GPR158: variants seen among roughly 807,000 people sequenced by gnomAD.
GPR158 encodes the protein G protein-coupled receptor 158.
Under a neutral mutation model 78.2 loss-of-function variants are expected in GPR158, and 30 were observed. The observed-to-expected ratio is 0.38, with a 90% CI of 0.29 to 0.52. GPR158 has a LOEUF of 0.52. GPR158 is among the 20% of genes least tolerant of loss of function. The pLI, the probability that GPR158 is intolerant of heterozygous loss-of-function variation, is 0.83. For missense variants in GPR158, 1,463 were observed against 1,523.5 expected, an observed-to-expected ratio of 0.96 and a Z score of 0.66; for synonymous variants, 581 against 591.1, an observed-to-expected ratio of 0.98 and a Z score of 0.25.
chr10:25,330,545 CTGTTAT>C (rs1855103681), intron 2 of GPR158, among the ~76,000 whole-genome samples: 1 of 152,166 alleles, frequency 6.6e-6, no homozygotes, highest in Admixed American at 6.5e-5. Flanking sequence ...TAGATTGATC[CTGTTAT>C]CACTCTGATT....
intron 5 of GPR158, among the ~76,000 whole-genome samples, chr10:25,510,555 T>C (rs1449136109): frequency 1.3e-5 from 2 of 152,166 alleles, no homozygotes; most frequent in Admixed American, 6.5e-5. Context: ...TATTTATTTA[T>C]TATGTTTTAT....
At chr10:25,269,017 G>A (rs1364995350) in intron 2 of GPR158, among the ~76,000 whole-genome samples, 2 of 151,898 alleles carry the variant, frequency 1.3e-5, no homozygotes, top group African/African-American at 4.8e-5. Flanking sequence ...AATTCTTCTT[G>A]TCTCATTTTG....
intron 2 of GPR158, among the ~76,000 whole-genome samples, chr10:25,338,139 G>A (rs1855236641): frequency 6.6e-6 from 1 of 151,086 alleles, no homozygotes; most frequent in Non-Finnish European, 1.5e-5. Context: ...CCAATTTATT[G>A]GCCTTTTCCT....
At chr10:25,538,779 T>A (rs1323763982) in intron 5 of GPR158, among the ~76,000 whole-genome samples, 1 of 152,202 alleles carries the variant, frequency 6.6e-6, no homozygotes, top group East Asian at 1.9e-4. Flanking sequence ...CTTTCCCATA[T>A]TTTTTATTTT....
chr10:25,333,527 A>T (rs1428266708), intron 2 of GPR158, among the ~76,000 whole-genome samples: 2 of 152,162 alleles, frequency 1.3e-5, no homozygotes, highest in Non-Finnish European at 2.9e-5. Flanking sequence ...GTGATGTTAC[A>T]ACCCATCCCC....
At chr10:25,590,996 T>C (rs1431603458) in intron 8 of GPR158, among the ~76,000 whole-genome samples, 2 of 152,168 alleles carry the variant, frequency 1.3e-5, no homozygotes, top group African/African-American at 4.8e-5. Flanking sequence ...TGGTAAACTA[T>C]TCTTAAATGA....
At chr10:25,242,921 A>G (rs979280349) in intron 2 of GPR158, among the ~76,000 whole-genome samples, 6 of 152,180 alleles carry the variant, frequency 3.9e-5, no homozygotes, top group Non-Finnish European at 8.8e-5. Flanking sequence ...CTATTGCTCC[A>G]CTAAAATACT....
intron 4 of GPR158, among the ~76,000 whole-genome samples, chr10:25,453,727 T>A (rs1449556857): frequency 6.6e-6 from 1 of 152,186 alleles, no homozygotes; most frequent in African/African-American, 2.4e-5. Flanking sequence ...TTATCAAAAA[T>A]CAATTGACCA....
chr10:25,398,959 C>G (rs561998141), intron 3 of GPR158, among the ~76,000 whole-genome samples: 1 of 152,278 alleles, frequency 6.6e-6, no homozygotes, highest in East Asian at 1.9e-4. Flanking sequence ...CCAGGCCGCA[C>G]AGCAGAAGAT....
intron 7 of GPR158, among the ~76,000 whole-genome samples, chr10:25,585,334 G>A (rs75945779): frequency 0.025 from 3,731 of 152,250 alleles, 61 homozygotes; most frequent in African/African-American, 0.038. Flanking sequence ...CAGTACTGTT[G>A]CTACCACCTA....
At chr10:25,251,137 C>T (rs1466050510) in intron 2 of GPR158, among the ~76,000 whole-genome samples, 3 of 152,122 alleles carry the variant, frequency 2.0e-5, no homozygotes, top group South Asian at 2.1e-4. Context: ...GAATGCAACC[C>T]CTGCCTTTTT....
At chr10:25,512,140 A>G (rs1336308206) in intron 5 of GPR158, among the ~76,000 whole-genome samples, 1 of 152,142 alleles carries the variant, frequency 6.6e-6, no homozygotes, top group Non-Finnish European at 1.5e-5. Flanking sequence ...GGTCATTTTC[A>G]CAATATTGAT....
At chr10:25,423,792 A>T (rs7916292) in intron 4 of GPR158, among the ~76,000 whole-genome samples, 14 of 151,986 alleles carry the variant, frequency 9.2e-5, no homozygotes, top group African/African-American at 2.9e-4. Context: ...CATTGATGGA[A>T]ATTTGGGTTG....
intron 6 of GPR158, among the ~76,000 whole-genome samples, chr10:25,552,086 A>G (rs1836733279): frequency 6.6e-6 from 1 of 152,146 alleles, no homozygotes; most frequent in Non-Finnish European, 1.5e-5. Flanking sequence ...TGGGAAAAAA[A>G]AGTGAATGTG....
At chr10:25,329,704 G>A (rs1051260972) in intron 2 of GPR158, among the ~76,000 whole-genome samples, 2 of 151,422 alleles carry the variant, frequency 1.3e-5, no homozygotes, top group African/African-American at 4.9e-5. Flanking sequence ...CAATGCTTGG[G>A]GGCTAATTTA....
intron 6 of GPR158, 27 bp downstream of exon 6, chr10:25,551,112 C>T (rs776716635): frequency 1.6e-5 from 20 of 1,248,104 alleles, no homozygotes; most frequent in Non-Finnish European, 2.4e-5. Context: ...CATCGTCATT[C>T]TCATGGAAAG....
At chr10:25,490,547 G>GT (rs1415162420) in intron 5 of GPR158, among the ~76,000 whole-genome samples, 7 of 144,098 alleles carry the variant, frequency 4.9e-5, no homozygotes, top group African/African-American at 1.6e-4. Flanking sequence ...GCGGTGTTTG[G>GT]TTTTTTGTTC....
intron 6 of GPR158, among the ~76,000 whole-genome samples, chr10:25,566,711 CATGTCTG>C (rs1836933852): frequency 2.0e-5 from 3 of 152,214 alleles, no homozygotes. Flanking sequence ...TGTAGAACTT[CATGTCTG>C]ATAAGTGTCT....
rs1408324500 is a variant in GPR158 at position 25,437,289 on chromosome 10, A to C, written c.1335+24816A>C. ...TGCCCAGGCTGGAGTACAGTGGTAC[A>C]GTCTCAGCTCACTGCAACCTCCACC... On this transcript the variant is annotated intron_variant, in intron 4 of 10. Transcript: ENST00000376351. Among the ~76,000 whole-genome samples the C allele has an allele frequency of 2.6e-5, 4 of 151,982 alleles. 1 individual carries two copies. The South Asian group carries it at 6.2e-4, about 24-fold the overall frequency.
Sources: gnomAD v4.1 joint callset for allele counts (sites outside exome capture counted in the v4.1 genomes callset) on GRCh38, gnomAD v4.1.1 for gene constraint, MANE v1.5 for transcripts, NCBI Gene and HGNC (gene_info 2026-07-23, HGNC 2026-07-21) for gene names.